The following CUBN variants were observed in gnomAD, a reference collection of about 807,000 sequenced individuals.
The protein encoded by CUBN is 460 kDa receptor.
In CUBN, 282 loss-of-function variants were observed where a neutral mutation model predicts 405.3. The observed-to-expected ratio is 0.70, with a 90% CI of 0.63 to 0.77. The LOEUF is 0.77. CUBN is among the 30% of genes least tolerant of loss of function. CUBN has a pLI of 0.00. For missense variants in CUBN, 4,514 were observed against 4,475.2 expected, an observed-to-expected ratio of 1.01 and a Z score of -0.25; for synonymous variants, 1,684 against 1,617.0, an observed-to-expected ratio of 1.04 and a Z score of -0.99.
intron 26 of CUBN, 146 bp downstream of exon 26, chr10:17,043,681 C>T: frequency 9.4e-7 from 1 of 1,067,810 alleles, no homozygotes; most frequent in Non-Finnish European, 1.4e-6. Flanking sequence ...ACACTTATTT[C>T]AGTTTGTTTC....
chr10:17,085,792 G>A, intron 15 of CUBN, 33 bp from the exon 16 acceptor site: 1 of 1,604,524 alleles, frequency 6.2e-7, no homozygotes, highest in African/African-American at 1.3e-5. Flanking sequence ...TAAGCTCAAA[G>A]TGGTCAGATT....
intron 4 of CUBN, among the ~76,000 whole-genome samples, chr10:17,123,964 T>G (rs1837108492): frequency 6.6e-6 from 1 of 152,184 alleles, no homozygotes; most frequent in Non-Finnish European, 1.5e-5. Flanking sequence ...CACTTTGTCT[T>G]GGAAAAGTAT....
intron 20 of CUBN, 133 bp from the exon 21 acceptor site, chr10:17,068,413 G>A (rs903535012): frequency 6.0e-6 from 6 of 998,944 alleles, no homozygotes; most frequent in African/African-American, 1.7e-5. Flanking sequence ...AAGATAACCT[G>A]ATTTTTCTCT....
intron 15 of CUBN, 110 bp from the exon 16 acceptor site, chr10:17,085,869 G>A: frequency 9.6e-7 from 1 of 1,043,116 alleles, no homozygotes; most frequent in Non-Finnish European, 1.4e-6. Context: ...GATCGCTCAA[G>A]GAAGTTTCCC....
At chr10:17,110,829 C>A (rs1588649357) in intron 9 of CUBN, 90 bp downstream of exon 9, 2 of 1,590,110 alleles carry the variant, frequency 1.3e-6, no homozygotes, top group Non-Finnish European at 1.7e-6. Context: ...AGCCAGAAAT[C>A]ATATTTTAAA....
At chr10:16,939,488 G>C (rs1234071376) in intron 37 of CUBN, among the ~76,000 whole-genome samples, 1 of 152,060 alleles carries the variant, frequency 6.6e-6, no homozygotes, top group African/African-American at 2.4e-5. Flanking sequence ...CAAAAGAATG[G>C]AACATTTAAA....
At chr10:17,122,546 G>C in intron 6 of CUBN, 1 of 549,588 alleles carries the variant, frequency 1.8e-6, no homozygotes, top group Non-Finnish European at 3.6e-6. Flanking sequence ...AATCACGGGA[G>C]CCTTCTTCCG....
At chr10:17,082,198 C>T (rs1835988977) in intron 17 of CUBN, among the ~76,000 whole-genome samples, 1 of 151,936 alleles carries the variant, frequency 6.6e-6, no homozygotes, top group South Asian at 2.1e-4. Flanking sequence ...GATTCTACCC[C>T]CAAAGTTTAG....
intron 28 of CUBN, among the ~76,000 whole-genome samples, chr10:16,996,186 C>G (rs1011624144): frequency 1.3e-5 from 2 of 152,168 alleles, no homozygotes; most frequent in African/African-American, 4.8e-5. Context: ...AAGCAAAAAT[C>G]TTTTAATTGA....
At chr10:17,048,568 C>A (rs140460846) in intron 22 of CUBN, among the ~76,000 whole-genome samples, 9 of 152,038 alleles carry the variant, frequency 5.9e-5, no homozygotes, top group African/African-American at 2.2e-4. Flanking sequence ...ACCTCTGCCC[C>A]CCGAGTTCAA....
chr10:17,063,273 T>C (rs971514913), intron 22 of CUBN, among the ~76,000 whole-genome samples: 4 of 152,342 alleles, frequency 2.6e-5, no homozygotes, highest in East Asian at 3.9e-4. Context: ...ATGGCTTGAC[T>C]GTGTTAGTCA....
At chr10:16,976,350 A>G (rs1286656191) in intron 31 of CUBN, among the ~76,000 whole-genome samples, 1 of 152,052 alleles carries the variant, frequency 6.6e-6, no homozygotes, top group Non-Finnish European at 1.5e-5. Context: ...TAATCTGAAT[A>G]TATCAGTCTA....
intron 54 of CUBN, among the ~76,000 whole-genome samples, chr10:16,894,132 T>C (rs959396440): frequency 6.6e-5 from 10 of 152,186 alleles, no homozygotes; most frequent in Admixed American, 5.9e-4. Context: ...TAGTAGTACA[T>C]TGCCTATGTG....
Position 16,920,150 on chromosome 10 carries a change from A to G in CUBN, c.6647-13T>C. ...TTGCCCCCACAGGCTGTGAGCAAAC[A>G]CACTTAAATCAGTCTATGATCTGGT... On this transcript the variant is annotated splice_polypyrimidine_tract_variant and intron_variant, in intron 43 of 66. Coordinates refer to ENST00000377833, the MANE Select transcript of CUBN (RefSeq NM_001081.4). 1 of 1,613,672 alleles carries G rather than the reference A, an allele frequency of 6.2e-7. No homozygotes were observed. Among genetic ancestry groups the G allele is most frequent in the Non-Finnish European group, 8.5e-7 (1 of 1,179,824 alleles).
chr10:16,949,464 T>TGTGTGTGTGTGTGTGTG (rs1554798711), intron 34 of CUBN, among the ~76,000 whole-genome samples: 20 of 71,692 alleles, frequency 2.8e-4, no homozygotes, highest in Middle Eastern at 7.4e-3. Context: ...TGTGTGTGTG[T>TGTGTGTGTGTGTGTGTG]AGTGTGTGTG....
chr10:17,124,315 T>A (rs1190602907), intron 4 of CUBN, among the ~76,000 whole-genome samples: 1 of 152,242 alleles, frequency 6.6e-6, no homozygotes, highest in East Asian at 1.9e-4. Flanking sequence ...CTACATAACC[T>A]GGGGAATCTG....
intron 13 of CUBN, among the ~76,000 whole-genome samples, 155 bp from the exon 14 acceptor site, chr10:17,100,394 C>G (rs1049484116): frequency 3.3e-5 from 5 of 152,142 alleles, no homozygotes; most frequent in Non-Finnish European, 5.9e-5. Context: ...AATCTATATA[C>G]TAAATAACTT....
intron 15 of CUBN, among the ~76,000 whole-genome samples, chr10:17,087,480 T>TTTG (rs1836144966): frequency 8.0e-6 from 1 of 124,314 alleles, no homozygotes; most frequent in African/African-American, 2.8e-5. Context: ...TTCTTTTTTT[T>TTTG]TTTTTTTTTT....
chr10:17,116,781 C>G (rs1588653903), intron 6 of CUBN, among the ~76,000 whole-genome samples: 1 of 152,114 alleles, frequency 6.6e-6, no homozygotes, highest in Non-Finnish European at 1.5e-5. Context: ...GGGGTGGCAG[C>G]TTTTTGGCAG....
Sources: allele counts gnomAD v4.1 joint callset (sites outside exome capture counted in the v4.1 genomes callset), GRCh38; gene constraint gnomAD v4.1.1; transcripts MANE v1.5; gene names NCBI Gene and HGNC (gene_info 2026-07-23, HGNC 2026-07-21).